NOS2: variants seen among roughly 807,000 people sequenced by gnomAD.
NOS2 encodes the protein nitric oxide synthase 2.
A neutral mutation model predicts 136.0 loss-of-function variants in NOS2; 96 were observed. That is an observed-to-expected ratio of 0.71 (90% CI 0.60 to 0.84). The LOEUF (loss-of-function observed/expected upper bound fraction) is 0.84, where lower values mean the gene tolerates loss of function less well. NOS2 is among the 40% of genes least tolerant of loss of function. The pLI, the probability that NOS2 is intolerant of heterozygous loss-of-function variation, is 0.00. For missense variants in NOS2, 1,237 were observed against 1,496.9 expected (o/e 0.83, Z 2.87); for synonymous variants, 539 against 587.5 (o/e 0.92, Z 1.20).
At position 27,798,830 on chromosome 17, in the gene NOS2, G is replaced by T; in HGVS notation, c.-21C>A. ...GCCATCTCTATGGCTTTACAAAGCA[G>T]GTCACTTATGTCACTTATCTGGATT... On this transcript the variant is annotated 5_prime_UTR_variant, in exon 2 of 27. In the 5' UTR this introduces an upstream ATG that the reference lacks. Coordinates refer to ENST00000313735, the MANE Select transcript of NOS2 (RefSeq NM_000625.4). 7.0e-7 allele frequency: 1 copy of T among 1,437,274 alleles called. No homozygotes were observed. Among genetic ancestry groups the T allele is most frequent in the African/African-American group, 1.4e-5 (1 of 71,482 alleles). 89.0% of individuals were successfully genotyped at this position (1,437,274 alleles called of 1,614,324 possible). A position where few individuals can be genotyped will look rare whatever the true frequency, so the allele number is the denominator to read the frequency against.
chr17:27,797,304 C>T (rs1597562436), intron 2 of NOS2, among the ~76,000 whole-genome samples: 1 of 152,370 alleles, frequency 6.6e-6, no homozygotes, highest in Middle Eastern at 3.4e-3. Flanking sequence ...GATAGCAATG[C>T]CAACAGTGCC....
chr17:27,788,780 G>T (rs764568592), intron 4 of NOS2, 29 bp downstream of exon 4: 6 of 1,600,192 alleles, frequency 3.7e-6, no homozygotes, highest in Non-Finnish European at 4.3e-6. Flanking sequence ...TTGGGACAAA[G>T]GTGGTTCTCC....
chr17:27,773,526 T>G (rs1423994097), intron 12 of NOS2, among the ~76,000 whole-genome samples: 2 of 152,242 alleles, frequency 1.3e-5, no homozygotes, highest in African/African-American at 2.4e-5. Context: ...GCACTCCTTT[T>G]GCTTTTAGCA....
chr17:27,766,579 C>T lies in NOS2; in HGVS notation c.2177G>A (p.Ser726Asn). 1.9e-6 allele frequency: 3 copies of T among 1,613,970 alleles called. No individual in the cohort carries two copies. Among genetic ancestry groups the T allele is most frequent in the South Asian group, 1.1e-5 (1 of 91,082 alleles). ...QPLDLSKALS[S>N]MHAKNVFTMR... ...GGTGAACACGTTCTTGGCATGCATG[C>T]TGCTGAGGGCTGTGGAGGACACAGA... is the stretch of plus-strand genomic sequence containing the variant. Residue 726 changes from serine to asparagine, a missense_variant, in exon 19 of 27, where the codon AGC becomes AAC. By Grantham distance (46) the Ser-to-Asn change is conservative. Around this residue, in one of 3 missense-constraint regions of NOS2, gnomAD observed 782 missense variants for 909.9 expected, o/e 0.86. Transcript: ENST00000313735.
chr17:27,775,555 T>C (rs1009500794), intron 11 of NOS2, among the ~76,000 whole-genome samples: 1 of 152,100 alleles, frequency 6.6e-6, no homozygotes, highest in African/African-American at 2.4e-5. Context: ...TGAGCCGAGA[T>C]CGCACCACTG....
At chr17:27,763,090 CA>C in intron 21 of NOS2, 85 bp from the exon 22 acceptor site, 2 of 886,088 alleles carry the variant, frequency 2.3e-6, no homozygotes, top group South Asian at 3.5e-5. Context: ...TTCATTCATT[CA>C]TTCACTCACT....
Position 27,764,029 on chromosome 17 carries a change from C to T in NOS2, c.2544G>A (p.Gln848=). Residue 848 remains glutamine (Q), a synonymous_variant, in exon 21 of 27, where the codon CAG becomes CAA. Coordinates refer to ENST00000313735, the MANE Select transcript of NOS2 (RefSeq NM_000625.4). ...GTCTCTCAGGCTCTTCTGTGGCCACCTGGGCCAGCTTTTGGAGCAGCAGCT... is the reference window on the plus strand; with the variant it reads ...GTCTCTCAGGCTCTTCTGTGGCCACTTGGGCCAGCTTTTGGAGCAGCAGCT... ...PTQLLLQKLA[Q]VATEEPERQR... 6.2e-7 allele frequency: 1 copy of T among 1,613,750 alleles called. No homozygotes were observed.
At chr17:27,769,931 T>C (rs1356630707) in intron 15 of NOS2, among the ~76,000 whole-genome samples, 1 of 152,142 alleles carries the variant, frequency 6.6e-6, no homozygotes, top group Non-Finnish European at 1.5e-5. Context: ...TGGAACCCGG[T>C]AGAAGCAACA....
chr17:27,780,916 A>G lies in NOS2; in HGVS notation c.865-10T>C, dbSNP rs1908822362. The G allele has an allele frequency of 6.2e-7, 1 of 1,609,862 alleles. No homozygotes were observed. Among genetic ancestry groups the G allele is most frequent in the Non-Finnish European group, 8.5e-7 (1 of 1,177,864 alleles). On this transcript the variant is annotated splice_polypyrimidine_tract_variant and intron_variant, in intron 8 of 26. Coordinates refer to ENST00000313735, the MANE Select transcript of NOS2 (RefSeq NM_000625.4). ...CCAGGTCGATGCACAGCTGGGGAAC[A>G]AGACGGGCCCTGTGAGTCTGTAAGC...
rs200690869 is a variant in NOS2 at position 27,800,522 on chromosome 17, A to G, written c.-257T>C. ...GGAGCCTCAGTTTTCGACTCGCTAC[A>G]AAGTTATGAACACACTGGCAGCCAA... On this transcript the variant is annotated 5_prime_UTR_variant, in exon 1 of 27. Coordinates refer to ENST00000313735, the MANE Select transcript of NOS2 (RefSeq NM_000625.4). 6.6e-6 allele frequency: 1 copy of G among 152,040 alleles called. No individual in the cohort carries two copies. Among genetic ancestry groups the G allele is most frequent in the South Asian group, 2.1e-4 (1 of 4,820 alleles). 9.4% of individuals were successfully genotyped at this position (152,040 alleles called of 1,614,324 possible).
rs767826492 is a variant in NOS2, at chr17:27,762,969, G to A, written c.2629C>T (p.Pro877Ser). 5 of 1,605,348 alleles carry A rather than the reference G, an allele frequency of 3.1e-6. No individual in the cohort carries two copies. The highest frequency in any genetic ancestry group is 1.7e-5 in the Admixed American group (1 of 58,780). ...EYSKWKFTNS[P>S]TFLEVLEEFP... is the part of the protein sequence containing the mutation. ...TCCTCTAGCACCTCCAGGAATGTGG[G>A]GCTGTTGGTGAACTTCCACTTGCTG... The change falls in exon 22 of 27, where the codon CCC becomes TCC. Residue 877 changes from proline to serine, a missense_variant. Physicochemically the swap from Pro to Ser is moderately conservative, Grantham distance 74. This residue lies in a region of NOS2 where 782 missense variants were observed against 909.9 expected (regional missense o/e 0.86). Coordinates refer to ENST00000313735, the MANE Select transcript of NOS2 (RefSeq NM_000625.4).
chr17:27,768,668 G>C (rs1444545074), intron 17 of NOS2, among the ~76,000 whole-genome samples: 1 of 152,238 alleles, frequency 6.6e-6, no homozygotes, highest in African/African-American at 2.4e-5. Flanking sequence ...AACAGACACA[G>C]TAGTTAAGAG....
intron 20 of NOS2, among the ~76,000 whole-genome samples, 160 bp from the exon 21 acceptor site, chr17:27,764,304 G>A (rs375422093): frequency 9.8e-4 from 149 of 152,058 alleles, no homozygotes; most frequent in Non-Finnish European, 1.3e-3. Flanking sequence ...AGAAGGTGGC[G>A]CATGGAGAAA....
chr17:27,771,690 C>T (rs569222598), intron 14 of NOS2, among the ~76,000 whole-genome samples: 1 of 152,314 alleles, frequency 6.6e-6, no homozygotes, highest in East Asian at 1.9e-4. Context: ...GAAAACCCAT[C>T]AACCTGTCTA....
chr17:27,783,553 T>G (rs767643376), intron 5 of NOS2, among the ~76,000 whole-genome samples: 1 of 152,160 alleles, frequency 6.6e-6, no homozygotes, highest in Non-Finnish European at 1.5e-5. Context: ...AGTGCCCTCC[T>G]TCCTTGCCAT....
Position 27,759,053 on chromosome 17 carries a change from C to T in NOS2, c.3182G>A (p.Arg1061Gln), listed in dbSNP as rs201995183. 6.5e-5 allele frequency: 104 copies of T among 1,602,960 alleles called. No individual in the cohort carries two copies. Among genetic ancestry groups the T allele is most frequent in the African/African-American group, 5.4e-4 (40 of 74,654 alleles). Reference sequence around the variant, plus strand: ...GAGCACCTCGCTGGCCAGCTGCTGCCGCAGGATGTCCTGAACATAGACCTG... The same window carrying T: ...GAGCACCTCGCTGGCCAGCTGCTGCTGCAGGATGTCCTGAACATAGACCTG... ...KPKVYVQDILRQQLASEVLRV... is the reference protein window; with the variant it reads ...KPKVYVQDILQQQLASEVLRV... The change falls in exon 26 of 27, where the codon CGG becomes CAG. Residue 1061 changes from arginine (R) to glutamine (Q), a missense_variant. Coordinates refer to ENST00000313735, the MANE Select transcript of NOS2 (RefSeq NM_000625.4).
chr17:27,777,111 A>G (rs1908683189), intron 11 of NOS2, among the ~76,000 whole-genome samples: 2 of 152,144 alleles, frequency 1.3e-5, no homozygotes, highest in Non-Finnish European at 2.9e-5. Flanking sequence ...TTCCTGTTCC[A>G]TCTTCCCCTC....
Position 27,783,100 on chromosome 17 carries a change from T to G in NOS2, c.474A>C (p.Lys158Asn), listed in dbSNP as rs373202670. 6.2e-7 allele frequency: 1 copy of G among 1,614,098 alleles called. No individual in the cohort carries two copies. Residue 158 changes from lysine to asparagine, a missense_variant, in exon 6 of 27, where the codon AAA (lysine) becomes AAC (asparagine). Transcript: ENST00000313735. ...NQYYGSFKEAKIEEHLARVEA... is the reference protein window; with the variant it reads ...NQYYGSFKEANIEEHLARVEA... ...CCACCCTGGCCAGATGTTCCTCTAT[T>G]TTTGCCCTGGGGGACAGGAAGACAG...
chr17:27,790,426 T>C (rs1909152847), intron 2 of NOS2, among the ~76,000 whole-genome samples: 1 of 152,232 alleles, frequency 6.6e-6, no homozygotes, highest in Admixed American at 6.5e-5. Flanking sequence ...TTAAGCTTTA[T>C]TTAAAACACG....
Sources: allele counts gnomAD v4.1 joint callset (sites outside exome capture counted in the v4.1 genomes callset), GRCh38; gene constraint gnomAD v4.1.1; regional missense constraint gnomAD v4.1.1; transcripts MANE v1.5; gene names NCBI Gene and HGNC (gene_info 2026-07-23, HGNC 2026-07-21).